Variants in ZMYM2 observed in about 807,000 individuals in gnomAD.
ZMYM2 encodes zinc finger MYM-type containing 2.
A neutral mutation model predicts 162.8 loss-of-function variants in ZMYM2; 56 were observed. That is an observed-to-expected ratio of 0.34 (90% CI 0.28 to 0.43). ZMYM2 has a LOEUF of 0.43. Ranked by LOEUF, ZMYM2 falls within the 20% of genes least tolerant of loss-of-function variation. ZMYM2 has a pLI of 1.00. For synonymous variants in ZMYM2, 510 were observed against 541.6 expected (o/e 0.94, Z 0.81); for missense variants, 1,275 against 1,621.8 (o/e 0.79, Z 3.67).
At chr13:20,008,185 A>G (rs1280300907) in intron 6 of ZMYM2, among the ~76,000 whole-genome samples, 2 of 152,284 alleles carry the variant, frequency 1.3e-5, no homozygotes, top group Admixed American at 6.5e-5. Context: ...GCTGGAGTGC[A>G]GTGGTGCAAT....
chr13:20,085,928 A>G lies in ZMYM2; in HGVS notation c.4048A>G (p.Thr1350Ala), dbSNP rs1481510586. 1 of 1,613,708 alleles carries G rather than the reference A, an allele frequency of 6.2e-7. No individual in the cohort carries two copies. The highest frequency in any genetic ancestry group is 8.5e-7 in the Non-Finnish European group (1 of 1,179,784). The change falls in exon 25 of 25, where the codon ACC becomes GCC. Residue 1350 changes from threonine to alanine, a missense_variant. Physicochemically the swap from Thr to Ala is moderately conservative, Grantham distance 58 (BLOSUM62 0). Transcript: ENST00000610343. ...WYTSTSLDRN[T>A]LENMLVRVLL... is the part of the protein sequence containing the mutation. Reference sequence around the variant, plus strand: ...TACGTCTACTTCACTGGACCGAAACACCTTGGAAAATATGCTTGTACGGGT... The same window carrying G: ...TACGTCTACTTCACTGGACCGAAACGCCTTGGAAAATATGCTTGTACGGGT...
At chr13:19,883,672 G>A in the ZMYM2 span, among the ~76,000 whole-genome samples, 2 of 152,172 alleles carry the variant, frequency 1.3e-5, no homozygotes, top group African/African-American at 4.8e-5. Flanking sequence ...ACTATGTGCT[G>A]AAGCAGTATA....
At chr13:19,869,135 T>C in the ZMYM2 span, among the ~76,000 whole-genome samples, 6 of 152,206 alleles carry the variant, frequency 3.9e-5, no homozygotes, top group African/African-American at 1.4e-4. Context: ...ATACAATTAA[T>C]AAAAATAATT....
At chr13:19,899,489 T>C in the ZMYM2 span, among the ~76,000 whole-genome samples, 86 of 149,890 alleles carry the variant, frequency 5.7e-4, no homozygotes, top group Non-Finnish European at 1.1e-3. Context: ...TAATAAGGAT[T>C]AGGATAGAGA....
chr13:19,949,150 C>T, the ZMYM2 span, among the ~76,000 whole-genome samples: 1 of 152,026 alleles, frequency 6.6e-6, no homozygotes, highest in African/African-American at 2.4e-5. Context: ...TGGCTCACGC[C>T]TCTAATCCCA....
intron 2 of ZMYM2, among the ~76,000 whole-genome samples, chr13:19,980,134 CTT>C (rs930489800): frequency 2.0e-5 from 3 of 151,548 alleles, no homozygotes; most frequent in Admixed American, 2.0e-4. Context: ...AAATTTAAGA[CTT>C]TATCTTGTAT....
the ZMYM2 span, among the ~76,000 whole-genome samples, chr13:19,873,405 T>A: frequency 2.0e-5 from 3 of 150,170 alleles, no homozygotes; most frequent in Non-Finnish European, 3.0e-5. Flanking sequence ...TATTTATTTA[T>A]TTATTTATTT....
chr13:19,905,733 G>A, the ZMYM2 span, among the ~76,000 whole-genome samples: 3 of 152,236 alleles, frequency 2.0e-5, no homozygotes, highest in South Asian at 2.1e-4. Context: ...GTTTCCCTGC[G>A]TGGCCTCTGT....
chr13:19,995,981 A>G (rs749796818), intron 3 of ZMYM2, among the ~76,000 whole-genome samples: 1 of 151,904 alleles, frequency 6.6e-6, no homozygotes, highest in Admixed American at 6.6e-5. Flanking sequence ...ACAAAGTGAG[A>G]CCCTGTCTCA....
At position 20,082,763 on chromosome 13, in the gene ZMYM2, T is replaced by C. The variant is rs1201851846; in HGVS notation, c.3569-18T>C. The C allele has an allele frequency of 6.6e-7, 1 of 1,510,310 alleles. No homozygotes were observed. The highest frequency in any genetic ancestry group is 8.9e-7 in the Non-Finnish European group (1 of 1,128,998). 93.6% of individuals were successfully genotyped at this position (1,510,310 alleles called of 1,614,324 possible). On this transcript the variant is annotated intron_variant, in intron 22 of 24. Coordinates refer to ENST00000610343, the MANE Select transcript of ZMYM2 (RefSeq NM_197968.4). ...TTTATTTATTATAATTCTTTTAAAA[T>C]AGTTCTCTCTATTTAAGGGTCAATA...
the ZMYM2 span, among the ~76,000 whole-genome samples, chr13:19,885,044 CAG>C: frequency 6.6e-6 from 1 of 152,298 alleles, no homozygotes; most frequent in South Asian, 2.1e-4. Flanking sequence ...TAGCTAGACA[CAG>C]AGTGCTGATT....
intron 12 of ZMYM2, among the ~76,000 whole-genome samples, chr13:20,050,622 T>TCAGGGCC (rs1555319551): frequency 4.6e-5 from 7 of 152,040 alleles, no homozygotes; most frequent in Non-Finnish European, 8.8e-5. Context: ...TTCGTTAAAC[T>TCAGGGCC]CATTGGTCAA....
chr13:20,023,778 T>C (rs1952323151), intron 7 of ZMYM2, among the ~76,000 whole-genome samples: 1 of 152,232 alleles, frequency 6.6e-6, no homozygotes. Flanking sequence ...TGCTTACATA[T>C]AAAGCTGAGT....
chr13:20,052,750 AG>A (rs1417175870), intron 14 of ZMYM2, among the ~76,000 whole-genome samples: 1 of 152,240 alleles, frequency 6.6e-6, no homozygotes, highest in Non-Finnish European at 1.5e-5. Flanking sequence ...AGGCATGAAA[AG>A]TAGGAGAATA....
At chr13:19,992,600 T>A (rs1949714203) in intron 2 of ZMYM2, among the ~76,000 whole-genome samples, 1 of 152,012 alleles carries the variant, frequency 6.6e-6, no homozygotes, top group Admixed American at 6.6e-5. Context: ...GAAAGGATTA[T>A]AGCATGTGAC....
At chr13:20,084,330 G>A (rs1275913174) in intron 24 of ZMYM2, among the ~76,000 whole-genome samples, 1 of 152,162 alleles carries the variant, frequency 6.6e-6, no homozygotes, top group Non-Finnish European at 1.5e-5. Flanking sequence ...TTAAATTACA[G>A]CAATTCCAAT....
chr13:19,906,538 ATT>A, the ZMYM2 span, among the ~76,000 whole-genome samples: 53 of 138,268 alleles, frequency 3.8e-4, no homozygotes, highest in Admixed American at 7.7e-4. Context: ...ATATATATAT[ATT>A]TTTTTTGTTT....
At chr13:19,983,773 C>A (rs577036327) in intron 2 of ZMYM2, among the ~76,000 whole-genome samples, 1 of 151,862 alleles carries the variant, frequency 6.6e-6, no homozygotes, top group Non-Finnish European at 1.5e-5. Flanking sequence ...GGACCACAGG[C>A]GTGCATCACT....
chr13:19,940,357 A>G, the ZMYM2 span, among the ~76,000 whole-genome samples: 6 of 152,332 alleles, frequency 3.9e-5, no homozygotes, highest in South Asian at 2.1e-4. Flanking sequence ...GAAGCATTCA[A>G]TGCAAACTCT....
Sources: allele counts gnomAD v4.1 joint callset (sites outside exome capture counted in the v4.1 genomes callset), GRCh38; gene constraint gnomAD v4.1.1; transcripts MANE v1.5; gene names NCBI Gene and HGNC (gene_info 2026-07-23, HGNC 2026-07-21).